The following RPH3AL variants were observed in gnomAD, a reference collection of about 807,000 sequenced individuals.
RPH3AL encodes the protein rabphilin 3A like (without C2 domains).
RPH3AL carries 38 observed loss-of-function variants against 43.1 expected under a neutral mutation model. The observed-to-expected ratio is 0.88, with a 90% CI of 0.68 to 1.15. The LOEUF is 1.15. RPH3AL is among the 50% of genes most tolerant of loss of function. RPH3AL has a pLI of 0.00. For missense variants in RPH3AL, 462 were observed against 423.2 expected, an observed-to-expected ratio of 1.09 and a Z score of -0.81; for synonymous variants, 189 against 176.3, an observed-to-expected ratio of 1.07 and a Z score of -0.57.
At chr17:314,991 C>A (rs2043884804) in intron 5 of RPH3AL, among the ~76,000 whole-genome samples, 1 of 149,610 alleles carries the variant, frequency 6.7e-6, no homozygotes, top group Non-Finnish European at 1.5e-5. Flanking sequence ...TGCCCCACCT[C>A]CATTGACCTG....
chr17:272,907 G>A (rs1044948513), intron 6 of RPH3AL, among the ~76,000 whole-genome samples: 13 of 148,488 alleles, frequency 8.8e-5, no homozygotes, highest in Admixed American at 2.7e-4. Flanking sequence ...GGCCAGTGGC[G>A]ACGTGAGATC....
intron 9 of RPH3AL, 129 bp from the exon 10 acceptor site, chr17:214,052 C>T (rs530279129): frequency 2.8e-4 from 195 of 688,962 alleles, no homozygotes; most frequent in Middle Eastern, 2.4e-3. Context: ...TGACAGCATC[C>T]GTGCCTCAGC....
chr17:324,702 G>GCTAGCTAGCTATCTATCTATCTAT (rs1301592247), intron 3 of RPH3AL, among the ~76,000 whole-genome samples: 90 of 119,924 alleles, frequency 7.5e-4, no homozygotes, highest in African/African-American at 1.8e-3. Flanking sequence ...TAGCTAGCTA[G>GCTAGCTAGCTATCTATCTATCTAT]CTATGTACCT....
chr17:316,714 C>T (rs1388471903), intron 5 of RPH3AL, among the ~76,000 whole-genome samples: 2 of 151,066 alleles, frequency 1.3e-5, no homozygotes, highest in Admixed American at 1.3e-4. Context: ...CCTGTAGTCT[C>T]TGTGCCCCAC....
In RPH3AL at chr17:219,692, T is replaced by A; in HGVS notation, c.658A>T (p.Ser220Cys). Residue 220 changes from serine (S) to cysteine (C), a missense_variant, in exon 8 of 10, where the codon AGC (serine) becomes TGC (cysteine). Coordinates refer to ENST00000331302, the MANE Select transcript of RPH3AL (RefSeq NM_006987.4). The stretch of plus-strand genomic sequence containing the variant: ...GTGGATGGGAGTCTGTCCTCTAGGC[T>A]GGAGGAGCTAAGATCCGAGTCACTG... ...SDSDSDLSSS[S>C]LEDRLPSTGV... is the part of the protein sequence containing the mutation. 6.2e-6 allele frequency: 10 copies of A among 1,613,654 alleles called. No individual in the cohort carries two copies. The highest frequency in any genetic ancestry group is 8.5e-6 in the Non-Finnish European group (10 of 1,179,904).
chr17:258,155 C>T (rs1386830302), intron 6 of RPH3AL, among the ~76,000 whole-genome samples: 17 of 152,202 alleles, frequency 1.1e-4, no homozygotes, highest in African/African-American at 3.1e-4. Context: ...TTCATAGGTA[C>T]GTGGGGTGCT....
intron 6 of RPH3AL, among the ~76,000 whole-genome samples, chr17:279,608 T>A (rs1412690628): frequency 6.6e-6 from 1 of 152,154 alleles, no homozygotes; most frequent in Non-Finnish European, 1.5e-5. Flanking sequence ...TCAACTAAAT[T>A]ATTAAACTTG....
At position 290,457 on chromosome 17, in the gene RPH3AL, C is replaced by T. The variant is rs1194020887; in HGVS notation, c.352-8603G>A. Among the ~76,000 whole-genome samples the T allele has an allele frequency of 2.0e-5, 3 of 152,236 alleles. No individual in the cohort carries two copies. The highest frequency in any genetic ancestry group is 2.9e-5 in the Non-Finnish European group (2 of 68,008). On this transcript the variant is annotated intron_variant, in intron 5 of 9. Transcript: ENST00000331302. This position sits in a 1 kb window ranked among gnomAD's most constrained non-coding sequence, Gnocchi z 4.2. ...GCTCCTGCCTGCCTCCCCCGGGGTG[C>T]GTGCCGCGGCCGCCTATGTGTGCAG...
At chr17:259,852 G>A (rs2042159329) in intron 6 of RPH3AL, among the ~76,000 whole-genome samples, 1 of 152,244 alleles carries the variant, frequency 6.6e-6, no homozygotes, top group South Asian at 2.1e-4. Flanking sequence ...TCGCCAAGCT[G>A]TTCCCAGGGA....
At chr17:252,497 T>TC (rs2041931483) in intron 6 of RPH3AL, among the ~76,000 whole-genome samples, 1 of 152,074 alleles carries the variant, frequency 6.6e-6, no homozygotes, top group Non-Finnish European at 1.5e-5. Flanking sequence ...TCCCACCCTG[T>TC]CCCCCAACAC....
chr17:233,094 G>A (rs1271828006), intron 7 of RPH3AL, among the ~76,000 whole-genome samples: 1 of 151,770 alleles, frequency 6.6e-6, no homozygotes, highest in African/African-American at 2.4e-5. Context: ...GGGGATGCTG[G>A]GTGGGTCTGA....
chr17:240,796 A>C (rs1242438158), intron 7 of RPH3AL, among the ~76,000 whole-genome samples: 1 of 152,222 alleles, frequency 6.6e-6, no homozygotes, highest in East Asian at 1.9e-4. Flanking sequence ...ACGGTGGCTC[A>C]TGCCTGTAAT....
chr17:220,897 C>A (rs1464741680), intron 7 of RPH3AL, among the ~76,000 whole-genome samples: 1 of 4,368 alleles, frequency 2.3e-4, no homozygotes, highest in Non-Finnish European at 6.7e-4. Context: ...ACAATAGACC[C>A]AAGCACAACA....
rs994026328 is a variant in RPH3AL at position 333,666 on chromosome 17, G to GAC, written c.-37+91_-37+92dup. The GAC allele has an allele frequency of 5.4e-6, 1 of 186,818 alleles. No homozygotes were observed. The highest frequency in any genetic ancestry group is 2.3e-5 in the African/African-American group (1 of 43,232). The allele number at this position is 186,818 out of a possible 1,614,324, so 11.6% of individuals were successfully genotyped here. On this transcript the variant is annotated intron_variant, in intron 2 of 9. Coordinates refer to ENST00000331302, the MANE Select transcript of RPH3AL (RefSeq NM_006987.4). The surrounding 1 kb of genome is among the most constrained non-coding windows in gnomAD (Gnocchi z 4.5). ...CTCGATTATATGCAGCACTGAAATG[G>GAC]ACATCCTGGCAGATAAATCTCTGAC...
intron 7 of RPH3AL, among the ~76,000 whole-genome samples, chr17:238,246 CAGAA>C (rs1024256507): frequency 4.1e-5 from 6 of 144,716 alleles, no homozygotes; most frequent in South Asian, 2.2e-4. Flanking sequence ...GAGGGAGGGA[CAGAA>C]AGAGAGAGAG....
chr17:233,935 G>A, intron 7 of RPH3AL, among the ~76,000 whole-genome samples: 1 of 81,422 alleles, frequency 1.2e-5, no homozygotes, highest in East Asian at 3.4e-4. Context: ...ACTTCCCTGA[G>A]CAGGGAGCGG....
At chr17:231,255 G>T (rs752649083) in intron 7 of RPH3AL, among the ~76,000 whole-genome samples, 62 of 152,196 alleles carry the variant, frequency 4.1e-4, no homozygotes, top group Admixed American at 6.5e-4. Flanking sequence ...CCCCACTTGG[G>T]CTGGAATCTC....
chr17:347,244 C>T lies in RPH3AL; in HGVS notation c.-213+5468G>A, dbSNP rs188543313. On this transcript the variant is annotated intron_variant, in intron 1 of 9. Transcript: ENST00000331302. ...CTGTGCTCCAGCCTAGGCAACAGAG[C>T]GAGACTCCGTCCCAGATTTTAAAAA... 6.2e-5 allele frequency among the ~76,000 whole-genome samples: 5 copies of T among 80,074 alleles called. 2 individuals are homozygous for T. The highest frequency in any genetic ancestry group is 1.3e-4 in the Non-Finnish European group (4 of 30,006). 52.5% of individuals were successfully genotyped at this position (80,074 alleles called of 152,430 possible).
intron 5 of RPH3AL, among the ~76,000 whole-genome samples, chr17:309,024 G>T: frequency 6.6e-6 from 1 of 152,240 alleles, no homozygotes; most frequent in East Asian, 1.9e-4. Flanking sequence ...GAGGCTGGCT[G>T]TGGTGGCTCA....
Sources: gnomAD v4.1 joint callset for allele counts (sites outside exome capture counted in the v4.1 genomes callset) on GRCh38, gnomAD v4.1.1 for gene constraint, Gnocchi (gnomAD v3.1) non-coding constraint, MANE v1.5 for transcripts, NCBI Gene and HGNC (gene_info 2026-07-23, HGNC 2026-07-21) for gene names.